The following FASN variants were observed in gnomAD, a reference collection of about 807,000 sequenced individuals.
FASN encodes the protein fatty acid synthase, also known as 3-hydroxyacyl-[acyl-carrier-protein] dehydratase.
In FASN, 50 loss-of-function variants were observed where a neutral mutation model predicts 250.0. The ratio of observed to expected loss-of-function variants is 0.20; its 90% CI spans 0.16 to 0.25. The LOEUF is 0.25. FASN is among the 10% of genes least tolerant of loss of function. The pLI is 1.00. For missense variants in FASN, 3,031 were observed against 3,498.5 expected (o/e 0.87, Z 3.37); for synonymous variants, 1,909 against 1,584.0 (o/e 1.21, Z -4.87).
rs1318971596 is a variant in FASN at position 82,083,642 on chromosome 17, A to AG, written c.5219-4dup. The AG allele has an allele frequency of 1.6e-5, 26 of 1,605,536 alleles. No homozygotes were observed. The highest frequency in any genetic ancestry group is 2.2e-5 in the Non-Finnish European group (26 of 1,177,024). ...GGAGTTCAAGACCAGGTCAACGCCT[A>AG]GGGGGCCAGAGGGGCCAGACAATCA... On this transcript the variant is annotated splice_region_variant and splice_polypyrimidine_tract_variant and intron_variant, in intron 30 of 42. Transcript: ENST00000306749.
Position 82,080,730 on chromosome 17 carries a change from C to T in FASN, c.6788G>A (p.Arg2263Gln), listed in dbSNP as rs377735574. ...CAGGCCATAGGTGGGGATGCTGAGC[C>T]GGGAGGCCAGGCTGTGGAACACGGT... Reference protein sequence around the residue: ...STTVFHSLASRLSIPTYGLQC... With the variant: ...STTVFHSLASQLSIPTYGLQC... Residue 2263 changes from arginine (R) to glutamine (Q), a missense_variant, in exon 39 of 43, where the codon CGG becomes CAG. Transcript: ENST00000306749. 5.6e-5 allele frequency: 89 copies of T among 1,601,748 alleles called. No individual in the cohort carries two copies. Among genetic ancestry groups the T allele is most frequent in the Non-Finnish European group, 6.5e-5 (76 of 1,175,510 alleles).
At chr17:82,086,940 G>T in intron 21 of FASN, 110 bp downstream of exon 21, 1 of 1,243,202 alleles carries the variant, frequency 8.0e-7, no homozygotes, top group Non-Finnish European at 1.1e-6. Context: ...GGCTAGGGTT[G>T]CTGACCCCAA....
intron 3 of FASN, among the ~76,000 whole-genome samples, chr17:82,094,506 C>T (rs2034270352): frequency 6.6e-6 from 1 of 152,018 alleles, no homozygotes; most frequent in Non-Finnish European, 1.5e-5. Context: ...TAAGAAATGG[C>T]ATGGCTGGGC....
Position 82,082,345 on chromosome 17 carries a change from T to C in FASN, c.5989A>G (p.Ser1997Gly). 1 of 1,612,812 alleles carries C rather than the reference T, an allele frequency of 6.2e-7. No homozygotes were observed. Among genetic ancestry groups the C allele is most frequent in the Non-Finnish European group, 8.5e-7 (1 of 1,179,990 alleles). ...CACCTGTCCAGGTTCAGGGTGCCGC[T>C]GTACTTGGGCTTGCAGACGTCCTGG... ...FFQDVCKPKY[S>G]GTLNLDRVTR... Residue 1997 changes from serine (S) to glycine (G), a missense_variant, in exon 35 of 43, where the codon AGC becomes GGC. Coordinates refer to ENST00000306749, the MANE Select transcript of FASN (RefSeq NM_004104.5).
rs888739595 is a variant in FASN at position 82,086,149 on chromosome 17, C to T, written c.3732+105G>A. 2.0e-6 allele frequency: 3 copies of T among 1,517,952 alleles called. No individual in the cohort carries two copies. The African/African-American group carries it at 4.1e-5, about 21-fold the overall frequency. 94.0% of individuals were successfully genotyped at this position (1,517,952 alleles called of 1,614,324 possible). ...ACACAGGGAACTGGCCGGCCCCACCCACCGCCCAGGGCCCGCCCCGTGTCT... is the reference window on the plus strand; with the variant it reads ...ACACAGGGAACTGGCCGGCCCCACCTACCGCCCAGGGCCCGCCCCGTGTCT... On this transcript the variant is annotated intron_variant, in intron 22 of 42. Coordinates refer to ENST00000306749, the MANE Select transcript of FASN (RefSeq NM_004104.5).
chr17:82,085,375 C>A lies in FASN; in HGVS notation c.4150G>T (p.Val1384Leu), dbSNP rs1305407796. 6.2e-7 allele frequency: 1 copy of A among 1,611,520 alleles called. No homozygotes were observed. The highest frequency in any genetic ancestry group is 8.5e-7 in the Non-Finnish European group (1 of 1,179,570). ...TTCAGGCCCACCAGGCGCAGCGACACCCTGGAGAAGAGGCTCTCCCACGCG... is the reference window on the plus strand; with the variant it reads ...TTCAGGCCCACCAGGCGCAGCGACAACCTGGAGAAGAGGCTCTCCCACGCG... ...QDAWESLFSR[V>L]SLRLVGLKKS... The change falls in exon 24 of 43, where the codon GTG (valine) becomes TTG (leucine). Residue 1384 changes from valine to leucine, a missense_variant. Transcript: ENST00000306749.
In FASN at chr17:82,080,493, G is replaced by A. The variant is rs985178560; in HGVS notation, c.6924C>T (p.Ser2308=). ...PEGPYRVAGY[S]YGACVAFEMC... is the part of the protein sequence containing the mutation. ...TTTCAAAGGCCACGCAGGCCCCGTA[G>A]GAGTAGCCGGCCACGCGGTAGGGGC... The change falls in exon 40 of 43, where the codon TCC becomes TCT. Residue 2308 remains serine, a synonymous_variant. Transcript: ENST00000306749. The A allele has an allele frequency of 1.3e-6, 2 of 1,568,280 alleles. No individual in the cohort carries two copies. The highest frequency in any genetic ancestry group is 2.7e-5 in the African/African-American group (2 of 73,948).
intron 41 of FASN, 99 bp downstream of exon 41, chr17:82,080,041 C>T: frequency 3.9e-6 from 5 of 1,283,768 alleles, no homozygotes; most frequent in Non-Finnish European, 5.6e-6. Flanking sequence ...AGTTGGGGGG[C>T]CTTTAACGCT....
chr17:82,097,042 G>A (rs532857643), intron 1 of FASN, among the ~76,000 whole-genome samples: 16 of 152,356 alleles, frequency 1.1e-4, no homozygotes, highest in African/African-American at 3.8e-4. Flanking sequence ...GTCCAGGCCA[G>A]CCCAAGAGCC....
Position 82,087,174 on chromosome 17 carries a change from C to T in FASN, c.3303G>A (p.Ser1101=), listed in dbSNP as rs535469043. The T allele has an allele frequency of 2.5e-5, 41 of 1,609,210 alleles. No individual in the cohort carries two copies. Among genetic ancestry groups the T allele is most frequent in the South Asian group, 4.4e-5 (4 of 90,442 alleles). The change falls in exon 21 of 43, where the codon TCG becomes TCA. Residue 1101 remains serine, a synonymous_variant. Transcript: ENST00000306749. ...GVHISGLHTE[S]APRRQQEQQV... ...GCTGCTCCTGCTGCCGCCGCGGGGC[C>T]GACTCAGTGTGGAGCCCGGAGATGT...
Position 82,091,653 on chromosome 17 carries a change from GC to G in FASN, c.1060del (p.Ala354ProfsTer51). ...GGGGCTATGGAAGTGCAGGTTGGGG[GC>G]CCAGAGCCCGTGCTCCAGGGACAGC... ...VLLSLEHGLW[A>X]PNLHFHSPNP... On this transcript the variant is annotated frameshift_variant, in exon 9 of 43. Transcript: ENST00000306749. LOFTEE classifies it high-confidence loss of function. The G allele has an allele frequency of 6.3e-7, 1 of 1,593,360 alleles. No homozygotes were observed. Among genetic ancestry groups the G allele is most frequent in the South Asian group, 1.1e-5 (1 of 87,824 alleles).
rs1254193726 is a variant in FASN at position 82,085,818 on chromosome 17, G to T, written c.3786C>A (p.Pro1262=). The T allele has an allele frequency of 1.9e-6, 3 of 1,559,820 alleles. No homozygotes were observed. In the South Asian group the frequency reaches 3.5e-5, roughly 18 times the overall value. Residue 1262 remains proline (P), a synonymous_variant, in exon 23 of 43, where the codon CCC becomes CCA. Transcript: ENST00000306749. ...LYSRIPGLLS[P]HPLLQLSYTA... is the part of the protein sequence containing the mutation. Reference sequence around the variant, plus strand: ...TGTAGCTCAGCTGCAGCAGGGGATGGGGGCTGAGCAGGCCTGGGATGCGGG... The same window carrying T: ...TGTAGCTCAGCTGCAGCAGGGGATGTGGGCTGAGCAGGCCTGGGATGCGGG...
Position 82,093,242 on chromosome 17 carries a change from G to A in FASN, c.632C>T (p.Thr211Ile). ...LRLGMLSPEGTCKAFDTAGNG... is the reference protein window; with the variant it reads ...LRLGMLSPEGICKAFDTAGNG... ...ACCCGCTGTGTCGAAGGCCTTGCAGGTGCCCTCGGGGCTGAGCATCCCCAG... is the reference window on the plus strand; with the variant it reads ...ACCCGCTGTGTCGAAGGCCTTGCAGATGCCCTCGGGGCTGAGCATCCCCAG... Residue 211 changes from threonine to isoleucine, a missense_variant, in exon 5 of 43, where the codon ACC (threonine) becomes ATC (isoleucine). By Grantham distance (89) the Thr-to-Ile change is moderately conservative. Coordinates refer to ENST00000306749, the MANE Select transcript of FASN (RefSeq NM_004104.5). 1.3e-6 allele frequency: 2 copies of A among 1,588,096 alleles called. No individual in the cohort carries two copies. The highest frequency in any genetic ancestry group is 1.1e-5 in the South Asian group (1 of 87,412).
chr17:82,095,465 G>A lies in FASN; in HGVS notation c.135C>T (p.Tyr45=), dbSNP rs767010365. ...DDDRRWKAGL[Y]GLPRRSGKLK... Reference sequence around the variant, plus strand: ...GCTTGCCGGACCGCCGGGGCAGGCCGTAGAGCCCTGTGGGACAGGCGGGTG... The same window carrying A: ...GCTTGCCGGACCGCCGGGGCAGGCCATAGAGCCCTGTGGGACAGGCGGGTG... Residue 45 remains tyrosine (Y), a synonymous_variant, in exon 3 of 43, where the codon TAC becomes TAT. Coordinates refer to ENST00000306749, the MANE Select transcript of FASN (RefSeq NM_004104.5). 9.3e-6 allele frequency: 15 copies of A among 1,612,118 alleles called. No individual in the cohort carries two copies. The highest frequency in any genetic ancestry group is 3.3e-5 in the Admixed American group (2 of 60,002).
At position 82,078,725 on chromosome 17, in the gene FASN, G is replaced by A. The variant is rs868386578; in HGVS notation, c.*418C>T. ...GCTGCCCGCGCCCGCAGGGGACATC[G>A]GGGAAATGGGGGCAGAGTGCGGGAC... On this transcript the variant is annotated 3_prime_UTR_variant, in exon 43 of 43. Transcript: ENST00000306749. The surrounding 1 kb of genome is among the most constrained non-coding windows in gnomAD (Gnocchi z 5.4). The A allele has an allele frequency of 7.5e-6, 2 of 267,644 alleles. No homozygotes were observed. The highest frequency in any genetic ancestry group is 4.0e-5 in the South Asian group (1 of 25,276). 16.6% of individuals were successfully genotyped at this position (267,644 alleles called of 1,614,324 possible).
chr17:82,093,002 A>C lies in FASN; in HGVS notation c.673T>G (p.Ser225Ala). ...AGCAGGACGGCCACCACACCCTCCG[A>C]GCGGCAGTACCCATTCCCTGGGTAG... is the stretch of plus-strand genomic sequence containing the variant. ...FDTAGNGYCRSEGVVAVLLTK... is the reference protein window; with the variant it reads ...FDTAGNGYCRAEGVVAVLLTK... The change falls in exon 6 of 43, where the codon TCG becomes GCG. Residue 225 changes from serine (S) to alanine (A), a missense_variant. By Grantham distance (99) the Ser-to-Ala change is moderately conservative. Transcript: ENST00000306749. 6.2e-7 allele frequency: 1 copy of C among 1,612,148 alleles called. No individual in the cohort carries two copies. The highest frequency in any genetic ancestry group is 8.5e-7 in the Non-Finnish European group (1 of 1,179,838).
At position 82,092,771 on chromosome 17, in the gene FASN, G is replaced by A. The variant is rs562846615; in HGVS notation, c.820C>T (p.Arg274Cys). The A allele has an allele frequency of 3.3e-5, 53 of 1,605,468 alleles. No individual in the cohort carries two copies. The highest frequency in any genetic ancestry group is 1.3e-4 in the South Asian group (12 of 89,978). Residue 274 changes from arginine to cysteine, a missense_variant, in exon 7 of 43, where the codon CGC becomes TGC. By Grantham distance (180) the Arg-to-Cys change is radical (BLOSUM62 -3). Coordinates refer to ENST00000306749, the MANE Select transcript of FASN (RefSeq NM_004104.5). ...PSGDIQEQLI[R>C]SLYQSAGVAP... is the part of the protein sequence containing the mutation. ...ACTCCGGCCGACTGGTACAACGAGC[G>A]GATGAGCTGCTCCTGGATATCCCCT... is the stretch of plus-strand genomic sequence containing the variant.
chr17:82,096,552 A>G (rs1326148809), intron 1 of FASN, 100 bp from the exon 2 acceptor site: 1 of 1,569,404 alleles, frequency 6.4e-7, no homozygotes, highest in African/African-American at 1.3e-5. Flanking sequence ...GGGGCCAAGC[A>G]CCACCCTGAG....
Position 82,087,391 on chromosome 17 carries a change from T to C in FASN, c.3157A>G (p.Thr1053Ala). The change falls in exon 20 of 43, where the codon ACC becomes GCC. Residue 1053 changes from threonine (T) to alanine (A), a missense_variant. By Grantham distance (58) the Thr-to-Ala change is moderately conservative (BLOSUM62 0). Coordinates refer to ENST00000306749, the MANE Select transcript of FASN (RefSeq NM_004104.5). ...KHGLYLPTRV[T>A]AIHIDPATHR... ...GTGGCAGGGTCGATGTGGATGGCGG[T>C]GACACGGGTGGGCAGGTACAGGCCG... is the stretch of plus-strand genomic sequence containing the variant. 1.2e-6 allele frequency: 2 copies of C among 1,612,556 alleles called. No individual in the cohort carries two copies. Among genetic ancestry groups the C allele is most frequent in the South Asian group, 2.2e-5 (2 of 91,082 alleles).
Sources: gnomAD v4.1 joint callset for allele counts (sites outside exome capture counted in the v4.1 genomes callset) on GRCh38, gnomAD v4.1.1 for gene constraint, Gnocchi (gnomAD v3.1) non-coding constraint, MANE v1.5 for transcripts, NCBI Gene and HGNC (gene_info 2026-07-23, HGNC 2026-07-21) for gene names.